The following ZNF284 variants were observed in gnomAD, a reference collection of about 807,000 sequenced individuals.
ZNF284 encodes zinc finger protein 284.
A neutral mutation model predicts 12.9 loss-of-function variants in ZNF284; 12 were observed. The ratio of observed to expected loss-of-function variants is 0.93; its 90% CI spans 0.60 to 1.51. The LOEUF (loss-of-function observed/expected upper bound fraction) is 1.51. Among genes scored for constraint, ZNF284 ranks in the 40% most tolerant of loss-of-function variants. The pLI is 0.00. For missense variants in ZNF284, 667 were observed against 707.3 expected (o/e 0.94, Z 0.65); for synonymous variants, 225 against 236.5 (o/e 0.95, Z 0.45).
chr19:44,079,903 G>A (rs998476201), intron 2 of ZNF284, among the ~76,000 whole-genome samples: 2 of 151,984 alleles, frequency 1.3e-5, no homozygotes, highest in African/African-American at 4.8e-5. Flanking sequence ...ACTCCAGCCT[G>A]GGCAACAAGA....
intron 1 of ZNF284, among the ~76,000 whole-genome samples, chr19:44,074,113 G>A (rs1233017590): frequency 6.6e-6 from 1 of 151,846 alleles, no homozygotes; most frequent in Admixed American, 6.6e-5. Flanking sequence ...CAGCACTTTG[G>A]GAGGCCGAGG....
intron 1 of ZNF284, among the ~76,000 whole-genome samples, 156 bp downstream of exon 1, chr19:44,072,447 C>T (rs1040132407): frequency 9.2e-5 from 14 of 152,150 alleles, no homozygotes; most frequent in African/African-American, 2.9e-4. Flanking sequence ...TCAGCTCGCT[C>T]AGTCCGCCTC....
At chr19:44,083,452 T>TAA (rs1341064696) in intron 4 of ZNF284, among the ~76,000 whole-genome samples, 561 of 50,086 alleles carry the variant, frequency 0.011, 35 homozygotes, top group South Asian at 0.093. Flanking sequence ...AATAAAGAAA[T>TAA]ATATATATAT....
intron 2 of ZNF284, among the ~76,000 whole-genome samples, chr19:44,079,710 A>C (rs191148674): frequency 7.3e-4 from 111 of 151,470 alleles, no homozygotes; most frequent in Admixed American, 4.4e-3. Flanking sequence ...CCATCTCAAA[A>C]AAAACAAAAC....
At chr19:44,083,510 A>C (rs1270134092) in intron 4 of ZNF284, among the ~76,000 whole-genome samples, 3 of 106,692 alleles carry the variant, frequency 2.8e-5, no homozygotes, top group Non-Finnish European at 6.4e-5. Flanking sequence ...GAGGGAATGG[A>C]ATACCATCCT....
chr19:44,076,215 G>T, intron 1 of ZNF284, 107 bp from the exon 2 acceptor site: 1 of 556,580 alleles, frequency 1.8e-6, no homozygotes, highest in Admixed American at 3.1e-5. Context: ...ATGCCCCTGT[G>T]AACATTCAAG....
intron 1 of ZNF284, among the ~76,000 whole-genome samples, chr19:44,074,543 T>C (rs779809204): frequency 1.3e-5 from 2 of 152,216 alleles, no homozygotes; most frequent in African/African-American, 4.8e-5. Flanking sequence ...AACATACCTG[T>C]AGCCAGAGAC....
At chr19:44,081,250 A>T in intron 3 of ZNF284, 109 bp downstream of exon 3, 5 of 1,284,302 alleles carry the variant, frequency 3.9e-6, no homozygotes, top group Non-Finnish European at 5.2e-6. Context: ...AATACCCAAG[A>T]CTGGGTAATT....
Position 44,085,931 on chromosome 19 carries a change from G to A in ZNF284, c.453G>A (p.Lys151=). The change falls in exon 5 of 5, where the codon AAG becomes AAA. Residue 151 remains lysine, a synonymous_variant. Coordinates refer to ENST00000421176, the MANE Select transcript of ZNF284 (RefSeq NM_001037813.4). ...HIGETPSEHG[K]CKKFFSDVSI... ...GAGAGACACCTTCTGAGCATGGGAA[G>A]TGTAAAAAATTCTTCAGTGATGTCT... The A allele has an allele frequency of 6.2e-7, 1 of 1,614,180 alleles. No homozygotes were observed. The highest frequency in any genetic ancestry group is 8.5e-7 in the Non-Finnish European group (1 of 1,180,026).
At chr19:44,077,748 A>G (rs1476189739) in intron 2 of ZNF284, among the ~76,000 whole-genome samples, 15 of 152,060 alleles carry the variant, frequency 9.9e-5, no homozygotes, top group Non-Finnish European at 1.5e-5. Flanking sequence ...TAGGGTCGGC[A>G]TGTTAGCTAT....
chr19:44,081,350 A>G (rs887538361), intron 3 of ZNF284, among the ~76,000 whole-genome samples: 1 of 152,208 alleles, frequency 6.6e-6, no homozygotes, highest in Admixed American at 6.5e-5. Context: ...GCCGATGGGA[A>G]GAAAGGCACC....
chr19:44,079,501 A>G (rs1270265914), intron 2 of ZNF284, among the ~76,000 whole-genome samples: 1 of 152,016 alleles, frequency 6.6e-6, no homozygotes, highest in Non-Finnish European at 1.5e-5. Context: ...CGAGGTGAGG[A>G]GATCGAGACC....
intron 3 of ZNF284, 113 bp from the exon 4 acceptor site, chr19:44,081,900 G>T: frequency 1.4e-6 from 1 of 739,044 alleles, no homozygotes; most frequent in Non-Finnish European, 2.3e-6. Flanking sequence ...ATGAGATTTG[G>T]GGACACCGCC....
chr19:44,074,089 C>T (rs1966992087), intron 1 of ZNF284, among the ~76,000 whole-genome samples: 1 of 151,354 alleles, frequency 6.6e-6, no homozygotes, highest in Admixed American at 6.6e-5. Context: ...CATGGTGGCT[C>T]ACGCCTGTAA....
chr19:44,078,421 A>T (rs1967067948), intron 2 of ZNF284, among the ~76,000 whole-genome samples: 1 of 152,154 alleles, frequency 6.6e-6, no homozygotes, highest in Non-Finnish European at 1.5e-5. Flanking sequence ...AAACATTCTT[A>T]TTTTTTGACA....
At position 44,086,479 on chromosome 19, in the gene ZNF284, G is replaced by A; in HGVS notation, c.1001G>A (p.Cys334Tyr). The change falls in exon 5 of 5, where the codon TGC becomes TAC. Residue 334 changes from cysteine (C) to tyrosine (Y), a missense_variant. Coordinates refer to ENST00000421176, the MANE Select transcript of ZNF284 (RefSeq NM_001037813.4). ...FGQRSALNSH[C>Y]MDHTKEKLYK... Reference sequence around the variant, plus strand: ...CAGAGATCAGCACTTAATAGTCATTGCATGGACCACACAAAAGAGAAACTA... The same window carrying A: ...CAGAGATCAGCACTTAATAGTCATTACATGGACCACACAAAAGAGAAACTA... 6.2e-7 allele frequency: 1 copy of A among 1,614,212 alleles called. No homozygotes were observed.
At position 44,086,995 on chromosome 19, in the gene ZNF284, C is replaced by G. The variant is rs373032605; in HGVS notation, c.1517C>G (p.Thr506Ser). ...CTTCGTTTCCATCAAAGAATTCACA[C>G]TGGAGAAAAGCCTTACAAATGTGAG... ...SKLRFHQRIH[T>S]GEKPYKCEEC... is the part of the protein sequence containing the mutation. Residue 506 changes from threonine to serine, a missense_variant, in exon 5 of 5, where the codon ACT becomes AGT. Transcript: ENST00000421176. 3 of 1,614,058 alleles carry G rather than the reference C, an allele frequency of 1.9e-6. No individual in the cohort carries two copies. The African/African-American group carries it at 4.0e-5, about 22-fold the overall frequency.
At position 44,087,268 on chromosome 19, in the gene ZNF284, C is replaced by A; in HGVS notation, c.*8C>A. On this transcript the variant is annotated 3_prime_UTR_variant, in exon 5 of 5. Coordinates refer to ENST00000421176, the MANE Select transcript of ZNF284 (RefSeq NM_001037813.4). ...TTTTTAAATGATATATAATTATTGT[C>A]CATATTTATGGGTTACAGCATATTT... 1 of 1,504,290 alleles carries A rather than the reference C, an allele frequency of 6.6e-7. No individual in the cohort carries two copies. The highest frequency in any genetic ancestry group is 1.3e-5 in the South Asian group (1 of 77,502). The allele number at this position is 1,504,290 out of a possible 1,614,324, so 93.2% of individuals were successfully genotyped here.
chr19:44,077,466 C>T (rs980190037), intron 2 of ZNF284, among the ~76,000 whole-genome samples: 2 of 149,862 alleles, frequency 1.3e-5, no homozygotes, highest in African/African-American at 2.4e-5. Context: ...TTTAGCAATT[C>T]AGTCTCAACT....
Sources: allele counts gnomAD v4.1 joint callset (sites outside exome capture counted in the v4.1 genomes callset), GRCh38; gene constraint gnomAD v4.1.1; transcripts MANE v1.5; gene names NCBI Gene and HGNC (gene_info 2026-07-23, HGNC 2026-07-21).